Variants in CCDC32 observed in about 807,000 individuals in gnomAD.
CCDC32 encodes the protein coiled-coil domain-containing protein 32.
Under a neutral mutation model 20.1 loss-of-function variants are expected in CCDC32, and 9 were observed. The ratio of observed to expected loss-of-function variants is 0.45; its 90% CI spans 0.27 to 0.78. CCDC32 has a LOEUF of 0.78. Among genes scored for constraint, CCDC32 ranks in the 30% least tolerant of loss-of-function variants. The pLI is 0.16. For missense variants in CCDC32, 204 were observed against 215.5 expected (o/e 0.95, Z 0.33); for synonymous variants, 63 against 79.0 (o/e 0.80, Z 1.07).
intron 1 of CCDC32, 73 bp from the exon 2 acceptor site, chr15:40,563,100 C>G (rs1890766055): frequency 6.6e-7 from 1 of 1,507,622 alleles, no homozygotes; most frequent in African/African-American, 1.4e-5. Flanking sequence ...CAGTGGCTCA[C>G]GACTGTAATC....
chr15:40,521,790 A>G, the CCDC32 span, among the ~76,000 whole-genome samples: 1 of 152,082 alleles, frequency 6.6e-6, no homozygotes, highest in Non-Finnish European at 1.5e-5. Flanking sequence ...TCCTTTGCCC[A>G]TTGTTTAATT....
intron 3 of CCDC32, among the ~76,000 whole-genome samples, chr15:40,547,325 C>T (rs148841192): frequency 6.6e-5 from 10 of 152,222 alleles, no homozygotes; most frequent in East Asian, 3.9e-4. Context: ...TGGTGCCAGG[C>T]TCAGGCAGGG....
downstream of CCDC32, among the ~76,000 whole-genome samples, chr15:40,533,475 T>C (rs546698017): frequency 6.6e-6 from 1 of 151,478 alleles, no homozygotes; most frequent in Non-Finnish European, 1.5e-5. Flanking sequence ...TCAGAAGGAG[T>C]AGCTGGGACT....
At chr15:40,555,864 A>T (rs900804123) in intron 3 of CCDC32, among the ~76,000 whole-genome samples, 1 of 138,446 alleles carries the variant, frequency 7.2e-6, no homozygotes, top group Non-Finnish European at 1.6e-5. Context: ...TTAAAATTCA[A>T]TTTTTTACTC....
downstream of CCDC32, among the ~76,000 whole-genome samples, chr15:40,532,814 C>T (rs574521888): frequency 6.7e-6 from 1 of 149,764 alleles, no homozygotes; most frequent in South Asian, 2.1e-4. Flanking sequence ...CTCGACTTCC[C>T]GGGTTCAGTT....
downstream of CCDC32, chr15:40,531,873 GTT>G (rs1166982030): frequency 6.5e-6 from 1 of 152,818 alleles, no homozygotes. Context: ...AAGATTTTGT[GTT>G]TTTTTTTTAA....
chr15:40,526,022 CTGAGAG>C (rs1272365469), downstream of CCDC32, among the ~76,000 whole-genome samples: 2 of 151,882 alleles, frequency 1.3e-5, no homozygotes, highest in African/African-American at 4.8e-5. Flanking sequence ...TTCTTTCCCA[CTGAGAG>C]TGCAGACGAA....
chr15:40,562,596 T>TA (rs1021640133), intron 2 of CCDC32, among the ~76,000 whole-genome samples, 176 bp downstream of exon 2: 1 of 151,550 alleles, frequency 6.6e-6, no homozygotes, highest in Non-Finnish European at 1.5e-5. Flanking sequence ...AAAATAAAAA[T>TA]AAAAAAAGAT....
At chr15:40,551,402 G>A (rs1303377229), downstream of CCDC32, among the ~76,000 whole-genome samples, 1 of 151,856 alleles carries the variant, frequency 6.6e-6, no homozygotes, top group African/African-American at 2.4e-5. Context: ...AATCCATCCT[G>A]AAAGCCATCA....
chr15:40,554,912 C>A (rs541669922), intron 3 of CCDC32, among the ~76,000 whole-genome samples: 1 of 152,256 alleles, frequency 6.6e-6, no homozygotes, highest in East Asian at 1.9e-4. Flanking sequence ...AGAAAGAATA[C>A]CATAACAGCA....
chr15:40,545,337 T>C (rs11857509), intron 3 of CCDC32, among the ~76,000 whole-genome samples: 37,895 of 150,672 alleles, frequency 0.25, 5,724 homozygotes, highest in Middle Eastern at 0.38. Context: ...TCTGCACACA[T>C]ACACACACAC....
At chr15:40,538,731 T>A (rs1003320915), downstream of CCDC32, 3 of 152,466 alleles carry the variant, frequency 2.0e-5, no homozygotes, top group African/African-American at 7.2e-5. Flanking sequence ...GCCTTTTATT[T>A]TCTTTGAACT....
chr15:40,524,343 A>G (rs1439838855), downstream of CCDC32, among the ~76,000 whole-genome samples: 1 of 151,626 alleles, frequency 6.6e-6, no homozygotes, highest in Non-Finnish European at 1.5e-5. Context: ...TTTTTAGTAG[A>G]GACGGGGTTT....
chr15:40,559,444 C>T (rs1209043091), intron 2 of CCDC32, among the ~76,000 whole-genome samples: 1 of 152,110 alleles, frequency 6.6e-6, no homozygotes, highest in African/African-American at 2.4e-5. Context: ...CAAGGGATCT[C>T]GTTCTATAGC....
chr15:40,528,988 T>C (rs537289579), intron 3 of CCDC32, among the ~76,000 whole-genome samples: 1 of 152,172 alleles, frequency 6.6e-6, no homozygotes, highest in Non-Finnish European at 1.5e-5. Flanking sequence ...GGGGACCCAG[T>C]AGGCAGCTAA....
At chr15:40,532,257 C>A (rs1414859407), downstream of CCDC32, 1 of 703,002 alleles carries the variant, frequency 1.4e-6, no homozygotes, top group African/African-American at 1.7e-5. Context: ...TACTATTGTC[C>A]TGGCATCAGG....
chr15:40,533,411 G>A (rs542387367), downstream of CCDC32, among the ~76,000 whole-genome samples: 15 of 152,086 alleles, frequency 9.9e-5, no homozygotes, highest in African/African-American at 2.7e-4. Context: ...GTGCAGTGGC[G>A]TGATCTCAGC....
At chr15:40,541,042 G>A (rs1395538097) in intron 3 of CCDC32, among the ~76,000 whole-genome samples, 3 of 152,182 alleles carry the variant, frequency 2.0e-5, no homozygotes, top group Non-Finnish European at 4.4e-5. Context: ...CCTGGAAGGC[G>A]GATCCTGGCC....
chr15:40,563,742 C>A (rs1890818960), intron 1 of CCDC32, among the ~76,000 whole-genome samples: 2 of 152,078 alleles, frequency 1.3e-5, no homozygotes, highest in Admixed American at 6.6e-5. Context: ...GGACAACCAG[C>A]CTGCACTTTT....
Sources: gnomAD v4.1 joint callset for allele counts (sites outside exome capture counted in the v4.1 genomes callset) on GRCh38, gnomAD v4.1.1 for gene constraint, MANE v1.5 for transcripts, NCBI Gene and HGNC (gene_info 2026-07-23, HGNC 2026-07-21) for gene names.